The following CCR5AS variants were observed in gnomAD, a reference collection of about 807,000 sequenced individuals.
CCR5AS encodes the protein CCR5 antisense RNA.
intron 2 of CCR5AS, among the ~76,000 whole-genome samples, chr3:46,391,596 A>G (rs1648167997): frequency 6.6e-6 from 1 of 152,148 alleles, no homozygotes; most frequent in Admixed American, 6.5e-5. Context: ...CTAAACGCTA[A>G]CTGATTTGGG....
chr3:46,374,430 T>C (rs2106751450), intron 2 of CCR5AS: 1 of 167,912 alleles, frequency 6.0e-6, no homozygotes, highest in Admixed American at 6.5e-5. Context: ...AGAAAAGACA[T>C]GAATATGATT....
intron 3 of CCR5AS, among the ~76,000 whole-genome samples, chr3:46,366,159 G>A (rs1485901335): frequency 6.6e-6 from 1 of 152,172 alleles, no homozygotes; most frequent in Admixed American, 6.5e-5. Context: ...TACAGGGCTG[G>A]TGCTGTCATC....
intron 2 of CCR5AS, among the ~76,000 whole-genome samples, chr3:46,384,411 G>A (rs867216113): frequency 1.3e-5 from 2 of 152,292 alleles, no homozygotes; most frequent in South Asian, 4.1e-4. Context: ...TTTTCCTATT[G>A]GCACAGCTGC....
At chr3:46,372,848 A>T in intron 2 of CCR5AS, 1 of 1,396,074 alleles carries the variant, frequency 7.2e-7, no homozygotes, top group Non-Finnish European at 9.8e-7. Context: ...GCAACTAAAT[A>T]CATTCTAGGA....
At position 46,375,261 on chromosome 3, in the gene CCR5AS, A is replaced by G. The variant is rs562220468; in HGVS notation, n.392-3844T>C. 11 of 167,114 alleles carry G rather than the reference A, an allele frequency of 6.6e-5. No individual in the cohort carries two copies. In the East Asian group the frequency reaches 1.7e-3, roughly 26 times the overall value. 10.4% of individuals were successfully genotyped at this position (167,114 alleles called of 1,614,324 possible). A position where few individuals can be genotyped will look rare whatever the true frequency, so the allele number is the denominator to read the frequency against. ...AGGAGGAGACTAGATTTATGAATAC[A>G]CGAGGTATGAGGTCTAGGAACATAC... On this transcript the variant is annotated intron_variant and non_coding_transcript_variant, in intron 2 of 3. Transcript: ENST00000451485.
At chr3:46,390,907 T>G (rs1337837659) in intron 2 of CCR5AS, among the ~76,000 whole-genome samples, 1 of 152,180 alleles carries the variant, frequency 6.6e-6, no homozygotes, top group Non-Finnish European at 1.5e-5. Context: ...GAAAGTAATG[T>G]GGAGTGGGTA....
intron 2 of CCR5AS, among the ~76,000 whole-genome samples, chr3:46,389,391 G>A (rs1309296149): frequency 6.6e-6 from 1 of 152,202 alleles, no homozygotes; most frequent in Non-Finnish European, 1.5e-5. Flanking sequence ...GTCCATCAAA[G>A]CTGTAGAGTG....
In CCR5AS at chr3:46,372,685, G is replaced by A. The variant is rs554369038; in HGVS notation, n.392-1268C>T. 7 of 436,422 alleles carry A rather than the reference G, an allele frequency of 1.6e-5. No individual in the cohort carries two copies. In the East Asian group the frequency reaches 2.8e-4, roughly 17 times the overall value. 27.0% of individuals were successfully genotyped at this position (436,422 alleles called of 1,614,324 possible). A position where few individuals can be genotyped will look rare whatever the true frequency, so the allele number is the denominator to read the frequency against. On this transcript the variant is annotated intron_variant and non_coding_transcript_variant, in intron 2 of 3. Coordinates refer to ENST00000451485, the Ensembl canonical transcript of CCR5AS. The stretch of plus-strand genomic sequence containing the variant: ...TCATGAATTCCCCCAACAGAGCCAA[G>A]CTCTCCATCTAGTGGACAGGGAAGC...
At chr3:46,401,258 G>A (rs993975615) in intron 1 of CCR5AS, among the ~76,000 whole-genome samples, 23 of 152,194 alleles carry the variant, frequency 1.5e-4, no homozygotes, top group African/African-American at 5.5e-4. Flanking sequence ...AGAAGAAAGG[G>A]ATCGAAATGC....
At chr3:46,367,388 G>A (rs542320896) in intron 3 of CCR5AS, among the ~76,000 whole-genome samples, 25 of 149,696 alleles carry the variant, frequency 1.7e-4, no homozygotes, top group African/African-American at 4.9e-4. Context: ...AAAAGAAGCC[G>A]CCTACAGAAT....
intron 2 of CCR5AS, among the ~76,000 whole-genome samples, chr3:46,388,662 G>A (rs186798615): frequency 2.4e-4 from 36 of 152,294 alleles, no homozygotes; most frequent in African/African-American, 8.2e-4. Context: ...CAGTGAGTAA[G>A]TCAAGGCCTC....
intron 3 of CCR5AS, among the ~76,000 whole-genome samples, chr3:46,369,441 G>C (rs191230884): frequency 2.0e-5 from 3 of 151,440 alleles, no homozygotes; most frequent in African/African-American, 7.3e-5. Flanking sequence ...TATATGGGGC[G>C]GGGGTGGGGG....
intron 2 of CCR5AS, chr3:46,373,840 A>G (rs1045770129): frequency 3.1e-6 from 5 of 1,614,104 alleles, no homozygotes; most frequent in Non-Finnish European, 3.4e-6. Flanking sequence ...GTCTTCTTCC[A>G]AAAGCACATT....
At chr3:46,379,737 A>G (rs1701799849) in intron 2 of CCR5AS, among the ~76,000 whole-genome samples, 1 of 151,944 alleles carries the variant, frequency 6.6e-6, no homozygotes. Flanking sequence ...CTCTACTAAA[A>G]ATACAAAAAA....
At chr3:46,400,926 CCAAATCTGAGA>C (rs2106780062) in intron 1 of CCR5AS, among the ~76,000 whole-genome samples, 1 of 152,222 alleles carries the variant, frequency 6.6e-6, no homozygotes, top group African/African-American at 2.4e-5. Context: ...CTTCTGACTC[CCAAATCTGAGA>C]CAGATGTGAG....
At position 46,393,224 on chromosome 3, in the gene CCR5AS, G is replaced by T. The variant is rs548054066; in HGVS notation, n.164-172C>A. On this transcript the variant is annotated intron_variant and non_coding_transcript_variant, in intron 1 of 3. Transcript: ENST00000451485. ...CACTGTCCAGAAGGAATGTCACAAG[G>T]TCAATTGATCAGTTGGGGTGGGGCA... Among the ~76,000 whole-genome samples the T allele has an allele frequency of 2.6e-5, 4 of 152,238 alleles. No homozygotes were observed. In the East Asian group the frequency reaches 7.7e-4, roughly 29 times the overall value.
At chr3:46,379,401 T>C (rs1701793165) in intron 2 of CCR5AS, among the ~76,000 whole-genome samples, 1 of 152,068 alleles carries the variant, frequency 6.6e-6, no homozygotes, top group South Asian at 2.1e-4. Flanking sequence ...TAGACTGGAT[T>C]AAGAAAATGT....
chr3:46,392,585 C>T lies in CCR5AS; in HGVS notation n.391+240G>A, dbSNP rs142554027. Among the ~76,000 whole-genome samples, 780 of 152,178 alleles carry T rather than the reference C, an allele frequency of 5.1e-3. 6 individuals carry two copies. The highest frequency in any genetic ancestry group is 0.034 in the Middle Eastern group (10 of 294). On this transcript the variant is annotated intron_variant and non_coding_transcript_variant, in intron 2 of 3. Transcript: ENST00000451485. ...GTGAATGACCAAGGCAGGCATCCCC[C>T]CGGTGATCAGACACCAAATGGAATG...
chr3:46,368,820 T>C (rs1701627239), intron 3 of CCR5AS, among the ~76,000 whole-genome samples: 1 of 152,122 alleles, frequency 6.6e-6, no homozygotes, highest in South Asian at 2.1e-4. Flanking sequence ...GAGTATGTCT[T>C]CACATCCTCC....
Sources: allele counts gnomAD v4.1 joint callset (sites outside exome capture counted in the v4.1 genomes callset), GRCh38; gene constraint gnomAD v4.1.1; transcripts MANE v1.5; gene names NCBI Gene and HGNC (gene_info 2026-07-23, HGNC 2026-07-21).